TMOD3: variants seen among roughly 807,000 people sequenced by gnomAD.
The protein encoded by TMOD3 is tropomodulin 3, also known as tropomodulin-3.
In TMOD3, 20 loss-of-function variants were observed where a neutral mutation model predicts 39.2. That is an observed-to-expected ratio of 0.51 (90% CI 0.36 to 0.74). The LOEUF is 0.74. Ranked by LOEUF, TMOD3 falls within the 30% of genes least tolerant of loss-of-function variation. The pLI, the probability that TMOD3 is intolerant of heterozygous loss-of-function variation, is 0.00. For synonymous variants in TMOD3, 143 were observed against 145.8 expected (o/e 0.98, Z 0.14); for missense variants, 381 against 412.8 (o/e 0.92, Z 0.67).
rs2056599721 is a variant in TMOD3 at position 51,892,682 on chromosome 15, C to A, written c.497-1133C>A. Among the ~76,000 whole-genome samples the A allele has an allele frequency of 2.0e-5, 3 of 152,302 alleles. No individual in the cohort carries two copies. The South Asian group carries it at 6.2e-4, about 32-fold the overall frequency. On this transcript the variant is annotated intron_variant, in intron 5 of 9. Coordinates refer to ENST00000308580, the MANE Select transcript of TMOD3 (RefSeq NM_014547.5). The stretch of plus-strand genomic sequence containing the variant: ...TCGTGGGAGGAAGAGGTAATGTGCC[C>A]TCCCATCACCTTATTCTTCTCATTT...
At chr15:51,897,048 C>CT (rs2141705512) in intron 7 of TMOD3, among the ~76,000 whole-genome samples, 1 of 152,268 alleles carries the variant, frequency 6.6e-6, no homozygotes, top group East Asian at 1.9e-4. Context: ...TGGTATAAAC[C>CT]TTTTGTTTCA....
intron 9 of TMOD3, among the ~76,000 whole-genome samples, chr15:51,907,936 A>T (rs961614412): frequency 6.6e-6 from 1 of 152,208 alleles, no homozygotes; most frequent in Non-Finnish European, 1.5e-5. Context: ...AGGCAGCCAA[A>T]GTTTATGGTA....
In TMOD3 at chr15:51,849,911, G is replaced by T. The variant is rs368285464; in HGVS notation, c.-74-12900G>T. 4.1e-4 allele frequency among the ~76,000 whole-genome samples: 62 copies of T among 152,072 alleles called. 2 individuals are homozygous for T. In the South Asian group the frequency reaches 0.012, roughly 29 times the overall value. The stretch of plus-strand genomic sequence containing the variant: ...ATCACACCACTGCATGTCAGCCTGG[G>T]TGACAGAACGAGACTCTGTCTCAAT... On this transcript the variant is annotated intron_variant, in intron 1 of 9. Transcript: ENST00000308580.
intron 3 of TMOD3, among the ~76,000 whole-genome samples, chr15:51,881,400 C>G (rs1197979609): frequency 6.6e-6 from 1 of 152,086 alleles, no homozygotes; most frequent in Non-Finnish European, 1.5e-5. Context: ...TATCTTTTCA[C>G]TTTCTTGATG....
At chr15:51,887,435 G>A in intron 3 of TMOD3, 154 bp from the exon 4 acceptor site, 1 of 804,134 alleles carries the variant, frequency 1.2e-6, no homozygotes, top group Non-Finnish European at 1.9e-6. Flanking sequence ...TATTACGCTG[G>A]AAACTTAAAA....
At chr15:51,868,854 C>A (rs1315094367) in intron 2 of TMOD3, among the ~76,000 whole-genome samples, 1 of 152,146 alleles carries the variant, frequency 6.6e-6, no homozygotes, top group Non-Finnish European at 1.5e-5. Flanking sequence ...CGCCTGTAAT[C>A]CCAGCTACTT....
chr15:51,898,056 A>G (rs2056630419), intron 7 of TMOD3, among the ~76,000 whole-genome samples: 1 of 152,150 alleles, frequency 6.6e-6, no homozygotes, highest in South Asian at 2.1e-4. Context: ...AAGTTAAATG[A>G]CCTCATTCCT....
intron 9 of TMOD3, among the ~76,000 whole-genome samples, chr15:51,905,817 G>A (rs1023359243): frequency 1.5e-4 from 22 of 151,400 alleles, no homozygotes; most frequent in African/African-American, 4.6e-4. Context: ...GGTGGCGGGC[G>A]CCTGTAGTCC....
chr15:51,866,461 C>A (rs7162925), intron 2 of TMOD3, among the ~76,000 whole-genome samples: 37 of 151,432 alleles, frequency 2.4e-4, no homozygotes, highest in African/African-American at 8.3e-4. Flanking sequence ...CTGTCTCCCC[C>A]CTACCCAAAA....
chr15:51,894,835 C>T (rs1014431366), intron 6 of TMOD3, among the ~76,000 whole-genome samples: 3 of 152,172 alleles, frequency 2.0e-5, no homozygotes, highest in African/African-American at 7.2e-5. Flanking sequence ...ATATACTTTT[C>T]ACACACAGGT....
rs539280342 is a variant in TMOD3, at chr15:51,863,605, C to G, written c.126+595C>G. On this transcript the variant is annotated intron_variant, in intron 2 of 9. Coordinates refer to ENST00000308580, the MANE Select transcript of TMOD3 (RefSeq NM_014547.5). ...AAATTACACAAGGCTAAGATAGACACCCATGACCCTTGAATTGTTATTCCC... is the reference window on the plus strand; with the variant it reads ...AAATTACACAAGGCTAAGATAGACAGCCATGACCCTTGAATTGTTATTCCC... Among the ~76,000 whole-genome samples the G allele has an allele frequency of 9.2e-5, 14 of 152,264 alleles. No individual in the cohort carries two copies. The South Asian group carries it at 2.9e-3, about 32-fold the overall frequency.
chr15:51,836,146 T>C (rs973155577), intron 1 of TMOD3, among the ~76,000 whole-genome samples: 2 of 152,240 alleles, frequency 1.3e-5, no homozygotes, highest in Non-Finnish European at 1.5e-5. Flanking sequence ...TAGTGAGATA[T>C]AATTCGCACA....
Position 51,880,827 on chromosome 15 carries a change from C to G in TMOD3, c.284-6762C>G, listed in dbSNP as rs544838665. Among the ~76,000 whole-genome samples the G allele has an allele frequency of 2.6e-5, 4 of 151,342 alleles. No individual in the cohort carries two copies. In the East Asian group the frequency reaches 7.8e-4, roughly 29 times the overall value. ...TATATAGACATATGTTTTTATTTCTCTTGGGTATGTGCCTGATAGAATTGC... is the reference window on the plus strand; with the variant it reads ...TATATAGACATATGTTTTTATTTCTGTTGGGTATGTGCCTGATAGAATTGC... On this transcript the variant is annotated intron_variant, in intron 3 of 9. Transcript: ENST00000308580.
chr15:51,882,440 A>G (rs981488918), intron 3 of TMOD3, among the ~76,000 whole-genome samples: 41 of 152,136 alleles, frequency 2.7e-4, no homozygotes, highest in Middle Eastern at 3.4e-3. Flanking sequence ...CAGAGGTTGC[A>G]TGGAGCTGAG....
At chr15:51,842,287 A>T (rs1259488354) in intron 1 of TMOD3, among the ~76,000 whole-genome samples, 1 of 152,206 alleles carries the variant, frequency 6.6e-6, no homozygotes, top group South Asian at 2.1e-4. Flanking sequence ...CTGCTTCTCC[A>T]TAGGCGAATA....
At chr15:51,847,056 G>C (rs962379727) in intron 1 of TMOD3, among the ~76,000 whole-genome samples, 1 of 152,118 alleles carries the variant, frequency 6.6e-6, no homozygotes, top group African/African-American at 2.4e-5. Context: ...GACAGAACTG[G>C]GAGCTGGTTT....
intron 3 of TMOD3, 148 bp downstream of exon 3, chr15:51,869,521 T>C (rs1017131952): frequency 1.9e-5 from 14 of 731,694 alleles, no homozygotes; most frequent in Admixed American, 3.5e-5. Flanking sequence ...TTGGTTTAGA[T>C]ACTTTATTTA....
intron 3 of TMOD3, among the ~76,000 whole-genome samples, chr15:51,877,767 C>G (rs752146316): frequency 6.6e-6 from 1 of 152,088 alleles, no homozygotes; most frequent in Non-Finnish European, 1.5e-5. Context: ...AGGCAAGACC[C>G]TTCTGAGTTC....
intron 2 of TMOD3, among the ~76,000 whole-genome samples, chr15:51,867,219 G>A (rs1226007019): frequency 6.6e-6 from 1 of 152,182 alleles, no homozygotes; most frequent in Non-Finnish European, 1.5e-5. Flanking sequence ...AACAGTCTCA[G>A]CAAGCTTAGA....
Sources: allele counts gnomAD v4.1 joint callset (sites outside exome capture counted in the v4.1 genomes callset), GRCh38; gene constraint gnomAD v4.1.1; transcripts MANE v1.5; gene names NCBI Gene and HGNC (gene_info 2026-07-23, HGNC 2026-07-21).